The following AJAP1 variants were observed in gnomAD, a reference collection of about 807,000 sequenced individuals.
The protein encoded by AJAP1 is adherens junctions associated protein 1, also known as adherens junction-associated protein 1.
In AJAP1, 5 loss-of-function variants were observed where a neutral mutation model predicts 35.0. The observed-to-expected ratio is 0.14, with a 90% CI of 0.07 to 0.30. The LOEUF is 0.30. Among genes scored for constraint, AJAP1 ranks in the 10% least tolerant of loss-of-function variants. AJAP1 has a pLI of 1.00. For missense variants in AJAP1, 586 were observed against 571.0 expected (o/e 1.03, Z -0.27); for synonymous variants, 284 against 249.3 (o/e 1.14, Z -1.31).
chr1:4,731,519 A>C (rs1008701826), intron 2 of AJAP1, among the ~76,000 whole-genome samples: 1 of 152,218 alleles, frequency 6.6e-6, no homozygotes, highest in African/African-American at 2.4e-5. Flanking sequence ...AAAGGTGTGA[A>C]CATTTTGCGT....
At chr1:4,695,294 G>A (rs1178045168) in intron 1 of AJAP1, among the ~76,000 whole-genome samples, 3 of 152,198 alleles carry the variant, frequency 2.0e-5, no homozygotes, top group Non-Finnish European at 4.4e-5. Context: ...CGTGGTGAGT[G>A]GTGGTGGCAT....
At chr1:4,744,312 A>G (rs914006050) in intron 2 of AJAP1, among the ~76,000 whole-genome samples, 3 of 151,166 alleles carry the variant, frequency 2.0e-5, no homozygotes, top group Non-Finnish European at 4.4e-5. Flanking sequence ...TTTTTAAAGG[A>G]CTCTCACGTA....
chr1:4,708,687 C>T (rs1035849586), intron 1 of AJAP1, among the ~76,000 whole-genome samples: 5 of 152,326 alleles, frequency 3.3e-5, no homozygotes, highest in South Asian at 4.1e-4. Context: ...CCCCAAGAGT[C>T]TCAGGACCAG....
rs1458704324 is a variant in AJAP1, at chr1:4,782,680, G to T, written c.*195G>T. ...TGCCGGTGGGAAACTCACAGAGCAG[G>T]ACGCTCTAGGCCAAATCTATTTTTG... On this transcript the variant is annotated 3_prime_UTR_variant, in exon 6 of 6. Transcript: ENST00000378191. This position sits in a 1 kb window ranked among gnomAD's most constrained non-coding sequence, Gnocchi z 5.3. 11 of 398,372 alleles carry T rather than the reference G, an allele frequency of 2.8e-5. No individual in the cohort carries two copies. The highest frequency in any genetic ancestry group is 1.2e-4 in the African/African-American group (6 of 48,636). 24.7% of individuals were successfully genotyped at this position (398,372 alleles called of 1,614,324 possible).
At chr1:4,688,762 A>G (rs1570113134) in intron 1 of AJAP1, among the ~76,000 whole-genome samples, 1 of 119,354 alleles carries the variant, frequency 8.4e-6, no homozygotes, top group Non-Finnish European at 1.7e-5. Flanking sequence ...ACAGAGTGAG[A>G]CTCCGTCTCA....
chr1:4,675,262 G>A (rs1035437914), intron 1 of AJAP1, among the ~76,000 whole-genome samples: 19 of 152,332 alleles, frequency 1.2e-4, no homozygotes, highest in African/African-American at 2.9e-4. Context: ...AGAATTCACC[G>A]AAAGCCGTCA....
intron 1 of AJAP1, among the ~76,000 whole-genome samples, chr1:4,671,838 A>T (rs1233919395): frequency 6.6e-6 from 1 of 152,204 alleles, no homozygotes; most frequent in Admixed American, 6.5e-5. Flanking sequence ...CTTCACGAGG[A>T]AGCTGGTCAG....
At chr1:4,739,803 G>A (rs1413862900) in intron 2 of AJAP1, among the ~76,000 whole-genome samples, 1 of 152,080 alleles carries the variant, frequency 6.6e-6, no homozygotes. Flanking sequence ...TCACTTCAAC[G>A]TTGAATTGTG....
intron 2 of AJAP1, among the ~76,000 whole-genome samples, chr1:4,745,742 G>A (rs1641173034): frequency 6.6e-6 from 1 of 152,186 alleles, no homozygotes; most frequent in Non-Finnish European, 1.5e-5. Flanking sequence ...GATGGTGGGT[G>A]GAGTCAAAGG....
At chr1:4,763,845 C>G (rs1023857197) in intron 2 of AJAP1, among the ~76,000 whole-genome samples, 1 of 144,530 alleles carries the variant, frequency 6.9e-6, no homozygotes, top group African/African-American at 2.6e-5. Context: ...CTTTGTCTCC[C>G]TCTTCTCCAA....
intron 1 of AJAP1, among the ~76,000 whole-genome samples, chr1:4,661,045 A>T (rs1345385218): frequency 6.6e-6 from 1 of 152,206 alleles, no homozygotes; most frequent in Non-Finnish European, 1.5e-5. Context: ...TCAGGGAAAC[A>T]TGAGCCTCAA....
At chr1:4,663,866 G>A (rs1639057806) in intron 1 of AJAP1, among the ~76,000 whole-genome samples, 1 of 152,170 alleles carries the variant, frequency 6.6e-6, no homozygotes, top group Non-Finnish European at 1.5e-5. Flanking sequence ...TAGGACATGG[G>A]ATGAAAGAAG....
At chr1:4,690,876 G>T (rs1231548847) in intron 1 of AJAP1, among the ~76,000 whole-genome samples, 1 of 152,220 alleles carries the variant, frequency 6.6e-6, no homozygotes, top group Non-Finnish European at 1.5e-5. Context: ...TATCCAGGGA[G>T]CAGGGACCTT....
chr1:4,767,785 C>T (rs766044446), intron 2 of AJAP1, among the ~76,000 whole-genome samples: 11 of 151,184 alleles, frequency 7.3e-5, no homozygotes, highest in Non-Finnish European at 1.3e-4. Flanking sequence ...GCACAGACAC[C>T]GGATGAGCAC....
rs1255099375 is a variant in AJAP1 at position 4,785,571 on chromosome 1, A to G, written c.*3086A>G. 6.6e-6 allele frequency: 1 copy of G among 152,074 alleles called. No individual in the cohort carries two copies. Among genetic ancestry groups the G allele is most frequent in the East Asian group, 1.9e-4 (1 of 5,172 alleles). 9.4% of individuals were successfully genotyped at this position (152,074 alleles called of 1,614,324 possible). On this transcript the variant is annotated 3_prime_UTR_variant, in exon 6 of 6. Transcript: ENST00000378191. ...GCACAGACTTGTCCTACTTCGGGCC[A>G]TATGTATAGGTAATGCCCATGTACT...
chr1:4,678,196 G>A (rs1345999341), intron 1 of AJAP1, among the ~76,000 whole-genome samples: 1 of 152,244 alleles, frequency 6.6e-6, no homozygotes, highest in Admixed American at 6.5e-5. Flanking sequence ...AGTTGAAGAA[G>A]AACAAATATT....
intron 1 of AJAP1, among the ~76,000 whole-genome samples, chr1:4,688,566 A>T (rs1639660729): frequency 6.6e-6 from 1 of 152,016 alleles, no homozygotes; most frequent in Admixed American, 6.6e-5. Context: ...TAAGGTCAGG[A>T]GTTCGAGACC....
At chr1:4,740,652 G>A (rs566871671) in intron 2 of AJAP1, among the ~76,000 whole-genome samples, 60 of 151,736 alleles carry the variant, frequency 4.0e-4, no homozygotes, top group East Asian at 5.9e-4. Flanking sequence ...CGGGTGTGGT[G>A]GCGGGCGCCT....
chr1:4,690,988 T>G (rs1421234089), intron 1 of AJAP1, among the ~76,000 whole-genome samples: 1 of 152,180 alleles, frequency 6.6e-6, no homozygotes, highest in Non-Finnish European at 1.5e-5. Flanking sequence ...CTGGTCACTG[T>G]GTGGACTGGA....
Sources: gnomAD v4.1 joint callset for allele counts (sites outside exome capture counted in the v4.1 genomes callset) on GRCh38, gnomAD v4.1.1 for gene constraint, Gnocchi (gnomAD v3.1) non-coding constraint, MANE v1.5 for transcripts, NCBI Gene and HGNC (gene_info 2026-07-23, HGNC 2026-07-21) for gene names.